Variants in ABLIM1 observed in about 807,000 individuals in gnomAD.
ABLIM1 encodes the protein actin binding LIM protein 1.
In ABLIM1, 40 loss-of-function variants were observed where a neutral mutation model predicts 107.0. The ratio of observed to expected loss-of-function variants is 0.37; its 90% CI spans 0.29 to 0.49. ABLIM1 has a LOEUF of 0.49. ABLIM1 is among the 20% of genes least tolerant of loss of function. ABLIM1 has a pLI of 0.97. For missense variants in ABLIM1, 857 were observed against 1,008.5 expected (o/e 0.85, Z 2.04); for synonymous variants, 357 against 357.3 (o/e 1.00, Z 0.01).
At position 114,529,332 on chromosome 10, in the gene ABLIM1, C is replaced by A. The variant is rs895110144; in HGVS notation, c.894+15673G>T. On this transcript the variant is annotated intron_variant, in intron 6 of 22. Transcript: ENST00000533213. ...TAGAGATGGGGTTTCACCGTGGTGG[C>A]CAGGATGGTCTCGATCTCTTGAACT... Among the ~76,000 whole-genome samples, 3 of 151,990 alleles carry A rather than the reference C, an allele frequency of 2.0e-5. No individual in the cohort carries two copies. The South Asian group carries it at 6.2e-4, about 32-fold the overall frequency.
chr10:114,747,621 G>C (rs1352131474), intron 1 of ABLIM1, among the ~76,000 whole-genome samples: 1 of 152,210 alleles, frequency 6.6e-6, no homozygotes, highest in African/African-American at 2.4e-5. Context: ...AGACTAGAAA[G>C]GGAAGAGACA....
intron 1 of ABLIM1, among the ~76,000 whole-genome samples, chr10:114,622,057 G>A (rs909426480): frequency 2.0e-5 from 3 of 152,044 alleles, no homozygotes; most frequent in African/African-American, 2.4e-5. Context: ...CCCTCAAGTG[G>A]CACATGGCAG....
chr10:114,525,405 C>T (rs748146266), intron 6 of ABLIM1, among the ~76,000 whole-genome samples: 4 of 152,194 alleles, frequency 2.6e-5, no homozygotes, highest in South Asian at 2.1e-4. Context: ...GCCACTGATG[C>T]GAGGATTAGA....
At chr10:114,507,503 C>A (rs893137558) in intron 6 of ABLIM1, among the ~76,000 whole-genome samples, 1 of 152,222 alleles carries the variant, frequency 6.6e-6, no homozygotes, top group African/African-American at 2.4e-5. Context: ...AATTCACATT[C>A]CAGACCTCTA....
chr10:114,782,157 A>T, the ABLIM1 span, among the ~76,000 whole-genome samples: 1 of 152,140 alleles, frequency 6.6e-6, no homozygotes. Flanking sequence ...AGAATGCTAT[A>T]AATTAAATTA....
intron 6 of ABLIM1, among the ~76,000 whole-genome samples, chr10:114,529,279 C>T (rs577001109): frequency 1.3e-5 from 2 of 152,146 alleles, no homozygotes; most frequent in East Asian, 3.9e-4. Context: ...CACATGCCAC[C>T]ATGCCCAGCT....
At chr10:114,749,489 A>ACACCAC (rs1566301221) in intron 1 of ABLIM1, among the ~76,000 whole-genome samples, 3 of 96,746 alleles carry the variant, frequency 3.1e-5, no homozygotes. Context: ...CACACACCAC[A>ACACCAC]AAACCCAGAG....
At chr10:114,516,549 T>A (rs1017252816) in intron 6 of ABLIM1, among the ~76,000 whole-genome samples, 1 of 152,102 alleles carries the variant, frequency 6.6e-6, no homozygotes, top group Non-Finnish European at 1.5e-5. Context: ...CAACAAAAAC[T>A]GTTTCGCATC....
intron 5 of ABLIM1, among the ~76,000 whole-genome samples, chr10:114,547,102 T>C (rs1262546808): frequency 2.0e-5 from 3 of 152,096 alleles, no homozygotes; most frequent in African/African-American, 7.2e-5. Context: ...GAAAATTTTT[T>C]TTAAGGCATG....
chr10:114,439,747 A>C lies in ABLIM1; in HGVS notation c.2067+335T>G. 7.8e-6 allele frequency: 3 copies of C among 383,308 alleles called. No homozygotes were observed. The South Asian group carries it at 1.1e-4, about 14-fold the overall frequency. 23.7% of individuals were successfully genotyped at this position (383,308 alleles called of 1,614,324 possible). On this transcript the variant is annotated intron_variant, in intron 20 of 22. Transcript: ENST00000533213. The stretch of plus-strand genomic sequence containing the variant: ...AACGCGCAGGAAAAGGGTGGCCTAA[A>C]GTACTGAGAGATTATAATTAAAAGA...
intron 8 of ABLIM1, chr10:114,485,355 GATGAAGAACGCCGA>G: frequency 6.2e-7 from 1 of 1,612,872 alleles, no homozygotes; most frequent in Non-Finnish European, 8.5e-7. Flanking sequence ...AAAGAAATCG[GATGAAGAACGCCGA>G]ATGTTTGGCA....
chr10:114,612,157 G>A lies in ABLIM1; in HGVS notation c.245-10196C>T, dbSNP rs148865547. 2.0e-3 allele frequency among the ~76,000 whole-genome samples: 311 copies of A among 152,276 alleles called. 4 individuals are homozygous for A. The highest frequency in any genetic ancestry group is 5.2e-3 in the East Asian group (27 of 5,178). On this transcript the variant is annotated intron_variant, in intron 1 of 22. Coordinates refer to ENST00000533213, the MANE Select transcript of ABLIM1 (RefSeq NM_002313.7). ...CTGAAATTTCATTGCCATTGTAAAC[G>A]TTAAGAGGGGGACCTTTAAGAGGTG...
At chr10:114,643,433 T>C (rs369077869) in intron 1 of ABLIM1, among the ~76,000 whole-genome samples, 44 of 152,312 alleles carry the variant, frequency 2.9e-4, no homozygotes, top group African/African-American at 9.6e-4. Flanking sequence ...AGAGATTATA[T>C]AAAATCTCAT....
At chr10:114,580,653 G>A (rs2073256848) in intron 2 of ABLIM1, among the ~76,000 whole-genome samples, 1 of 152,070 alleles carries the variant, frequency 6.6e-6, no homozygotes, top group African/African-American at 2.4e-5. Flanking sequence ...CTCTGACAAA[G>A]GCATTACTCT....
intron 2 of ABLIM1, among the ~76,000 whole-genome samples, chr10:114,580,187 AATATTAT>A (rs375442818): frequency 0.035 from 5,138 of 147,264 alleles, 123 homozygotes; most frequent in African/African-American, 0.066. Context: ...CCTTTATTTT[AATATTAT>A]ATATTATATA....
chr10:114,607,789 G>T (rs919372726), intron 1 of ABLIM1, among the ~76,000 whole-genome samples: 2 of 152,218 alleles, frequency 1.3e-5, no homozygotes, highest in African/African-American at 4.8e-5. Flanking sequence ...TCTGAGAAAT[G>T]ATCACAGCCA....
chr10:114,447,315 A>T (rs1165280687), intron 15 of ABLIM1, among the ~76,000 whole-genome samples: 1 of 152,250 alleles, frequency 6.6e-6, no homozygotes, highest in Non-Finnish European at 1.5e-5. Context: ...AAAATCACAT[A>T]ACTTCACAGA....
intron 1 of ABLIM1, among the ~76,000 whole-genome samples, chr10:114,756,555 C>A (rs1240196695): frequency 2.0e-5 from 3 of 152,076 alleles, no homozygotes; most frequent in African/African-American, 4.8e-5. Flanking sequence ...TATGTCTCTC[C>A]AATGACTTAA....
At chr10:114,793,323 G>A in the ABLIM1 span, among the ~76,000 whole-genome samples, 1 of 151,894 alleles carries the variant, frequency 6.6e-6, no homozygotes, top group Non-Finnish European at 1.5e-5. Context: ...GTCTGAAAGT[G>A]CGTGGCACCT....
Sources: allele counts gnomAD v4.1 joint callset (sites outside exome capture counted in the v4.1 genomes callset), GRCh38; gene constraint gnomAD v4.1.1; transcripts MANE v1.5; gene names NCBI Gene and HGNC (gene_info 2026-07-23, HGNC 2026-07-21).